EPB41L4A: variants seen among roughly 807,000 people sequenced by gnomAD.
EPB41L4A encodes band 4.1-like protein 4A.
EPB41L4A carries 100 observed loss-of-function variants against 108.6 expected under a neutral mutation model. The ratio of observed to expected loss-of-function variants is 0.92; its 90% CI spans 0.78 to 1.09. The LOEUF is 1.09. EPB41L4A is among the 50% of genes least tolerant of loss of function. EPB41L4A has a pLI of 0.00. For synonymous variants in EPB41L4A, 319 were observed against 289.0 expected (o/e 1.10, Z -1.05); for missense variants, 1,030 against 842.7 (o/e 1.22, Z -2.75).
chr5:112,268,940 AAGGAAAG>A (rs1480257411), intron 4 of EPB41L4A, among the ~76,000 whole-genome samples: 1 of 152,046 alleles, frequency 6.6e-6, no homozygotes, highest in African/African-American at 2.4e-5. Flanking sequence ...TCAAAGACAA[AAGGAAAG>A]AGGAACAGAG....
At chr5:112,365,880 C>T (rs568718474) in intron 1 of EPB41L4A, among the ~76,000 whole-genome samples, 25 of 152,218 alleles carry the variant, frequency 1.6e-4, no homozygotes, top group African/African-American at 6.0e-4. Context: ...ATTTAGAAAA[C>T]ATCGGATTTC....
At chr5:112,200,203 C>T (rs1762154525) in intron 15 of EPB41L4A, among the ~76,000 whole-genome samples, 1 of 152,124 alleles carries the variant, frequency 6.6e-6, no homozygotes. Flanking sequence ...CATGCTAGCC[C>T]CTCTATCTGG....
chr5:112,375,329 A>T (rs532470691), intron 1 of EPB41L4A, among the ~76,000 whole-genome samples: 1,726 of 136,062 alleles, frequency 0.013, 23 homozygotes, highest in South Asian at 0.038. Context: ...TCTCGCACAC[A>T]CACACATACA....
rs865836279 is a variant in EPB41L4A at position 112,314,534 on chromosome 5, A to G, written c.100-7044T>C. ...AAAAAAAAAAAAAAAAAAAAAAAAA[A>G]AAAAGAAAAGAAATTAGCCAAGCAT... On this transcript the variant is annotated intron_variant, in intron 1 of 22. Coordinates refer to ENST00000261486, the MANE Select transcript of EPB41L4A (RefSeq NM_022140.5). Among the ~76,000 whole-genome samples, 1,018 of 133,158 alleles carry G rather than the reference A, an allele frequency of 7.6e-3. 5 individuals carry two copies. The highest frequency in any genetic ancestry group is 0.03 in the African/African-American group (937 of 30,960). The allele number at this position is 133,158 out of a possible 152,430, so 87.4% of individuals were successfully genotyped here. A position where few individuals can be genotyped will look rare whatever the true frequency, so the allele number is the denominator to read the frequency against.
intron 12 of EPB41L4A, among the ~76,000 whole-genome samples, chr5:112,216,974 G>C (rs770547045): frequency 8.6e-5 from 13 of 151,814 alleles, no homozygotes; most frequent in African/African-American, 2.4e-4. Flanking sequence ...TATCATCATG[G>C]AATTTTTTTT....
intron 2 of EPB41L4A, among the ~76,000 whole-genome samples, chr5:112,287,197 T>C (rs185410460): frequency 1.1e-3 from 173 of 152,340 alleles, no homozygotes; most frequent in African/African-American, 3.8e-3. Context: ...AACTGCCTAC[T>C]TGGCATCTCC....
chr5:112,161,781 G>T (rs1180017304), downstream of EPB41L4A: 8 of 372,530 alleles, frequency 2.1e-5, no homozygotes, highest in Non-Finnish European at 3.8e-5. Flanking sequence ...TGAAGGTAGG[G>T]TGATATGTCT....
At chr5:112,172,860 A>G (rs1416131506) in intron 18 of EPB41L4A, among the ~76,000 whole-genome samples, 1 of 152,188 alleles carries the variant, frequency 6.6e-6, no homozygotes, top group Non-Finnish European at 1.5e-5. Context: ...TCTTCTAGTT[A>G]CAGCAGGGTT....
chr5:112,260,087 T>G, intron 7 of EPB41L4A, 108 bp from the exon 8 acceptor site: 1 of 819,970 alleles, frequency 1.2e-6, no homozygotes, highest in Non-Finnish European at 2.0e-6. Flanking sequence ...TGGATTTAAT[T>G]TTTGAAAGAC....
chr5:112,203,406 T>C lies in EPB41L4A; in HGVS notation c.1376+969A>G, dbSNP rs562142239. On this transcript the variant is annotated intron_variant, in intron 15 of 22. Transcript: ENST00000261486. ...ACCAAAAAAAGGAAAAAGTCATTTA[T>C]ACAATGCCAATTATGTAGGTACTCA... Among the ~76,000 whole-genome samples, 117 of 152,184 alleles carry C rather than the reference T, an allele frequency of 7.7e-4. 2 individuals carry two copies. Among genetic ancestry groups the C allele is most frequent in the African/African-American group, 2.2e-3 (92 of 41,542 alleles).
At position 112,177,639 on chromosome 5, in the gene EPB41L4A, C is replaced by T. The variant is rs1400992776; in HGVS notation, c.1622+6377G>A. 2.0e-5 allele frequency among the ~76,000 whole-genome samples: 3 copies of T among 152,074 alleles called. 1 individual carries two copies. Among genetic ancestry groups the T allele is most frequent in the Admixed American group, 2.0e-4 (3 of 15,260 alleles). On this transcript the variant is annotated intron_variant, in intron 18 of 22. Transcript: ENST00000261486. ...GCAAAGATACATTAACATTTTAATA[C>T]GAGGCTTCTAACAGGCAAAAATAAA... is the stretch of plus-strand genomic sequence containing the variant.
chr5:112,380,185 A>G (rs1326544835), intron 1 of EPB41L4A, among the ~76,000 whole-genome samples: 1 of 152,218 alleles, frequency 6.6e-6, no homozygotes, highest in Non-Finnish European at 1.5e-5. Context: ...GTCTGACACC[A>G]AATGAAGAAA....
At chr5:112,406,967 T>C (rs1218311314) in intron 1 of EPB41L4A, among the ~76,000 whole-genome samples, 1 of 152,142 alleles carries the variant, frequency 6.6e-6, no homozygotes, top group Non-Finnish European at 1.5e-5. Context: ...TCCACACTCT[T>C]GCCCTGGCTG....
chr5:112,242,500 A>G (rs1749862877), intron 9 of EPB41L4A, among the ~76,000 whole-genome samples: 1 of 152,102 alleles, frequency 6.6e-6, no homozygotes, highest in Non-Finnish European at 1.5e-5. Context: ...TACTTCCTTC[A>G]CTGAAGTCTT....
At chr5:112,314,534 A>AG (rs1309088887) in intron 1 of EPB41L4A, among the ~76,000 whole-genome samples, 8 of 133,894 alleles carry the variant, frequency 6.0e-5, no homozygotes, top group African/African-American at 2.5e-4. Flanking sequence ...AAAAAAAAAA[A>AG]AAAAGAAAAG....
intron 12 of EPB41L4A, among the ~76,000 whole-genome samples, chr5:112,154,929 T>C (rs536446758): frequency 4.6e-5 from 7 of 152,278 alleles, no homozygotes; most frequent in African/African-American, 1.7e-4. Flanking sequence ...AAGGAACAAC[T>C]TCCTAACAAC....
At chr5:112,341,923 G>A (rs571796190) in intron 1 of EPB41L4A, among the ~76,000 whole-genome samples, 18 of 152,226 alleles carry the variant, frequency 1.2e-4, no homozygotes, top group African/African-American at 4.3e-4. Flanking sequence ...TAGCTTATGA[G>A]AAGACAGTAT....
chr5:112,363,392 G>T (rs1281159426), intron 1 of EPB41L4A: 1 of 146,144 alleles, frequency 6.8e-6, no homozygotes, highest in Non-Finnish European at 1.5e-5. Flanking sequence ...ACCAGCCTGA[G>T]GCAAATAGTG....
At chr5:112,177,360 C>T (rs1370443756) in intron 18 of EPB41L4A, among the ~76,000 whole-genome samples, 2 of 152,202 alleles carry the variant, frequency 1.3e-5, no homozygotes, top group East Asian at 1.9e-4. Context: ...TCACCTCTTC[C>T]ACTTTTAAGA....
Sources: allele counts gnomAD v4.1 joint callset (sites outside exome capture counted in the v4.1 genomes callset), GRCh38; gene constraint gnomAD v4.1.1; transcripts MANE v1.5; gene names NCBI Gene and HGNC (gene_info 2026-07-23, HGNC 2026-07-21).